Variants in ADGRL3 observed in about 807,000 individuals in gnomAD.
ADGRL3 encodes the protein calcium-independent alpha-latrotoxin receptor 3.
ADGRL3 carries 62 observed loss-of-function variants against 153.5 expected under a neutral mutation model. The ratio of observed to expected loss-of-function variants is 0.40; its 90% CI spans 0.33 to 0.50. ADGRL3 has a LOEUF of 0.50. Ranked by LOEUF, ADGRL3 falls within the 20% of genes least tolerant of loss-of-function variation. ADGRL3 has a pLI of 0.47. For missense variants in ADGRL3, 1,641 were observed against 1,859.4 expected, an observed-to-expected ratio of 0.88 and a Z score of 2.16; for synonymous variants, 710 against 672.5, an observed-to-expected ratio of 1.06 and a Z score of -0.86.
chr4:61,947,054 A>G lies in ADGRL3; in HGVS notation c.2560A>G (p.Ile854Val), dbSNP rs2098928027. The G allele has an allele frequency of 6.2e-7, 1 of 1,613,764 alleles. No individual in the cohort carries two copies. The highest frequency in any genetic ancestry group is 1.7e-5 in the Admixed American group (1 of 59,998). Residue 854 changes from isoleucine (I) to valine (V), a missense_variant, in exon 16 of 27, where the codon ATA becomes GTA. Physicochemically the swap from Ile to Val is conservative, Grantham distance 29 (BLOSUM62 3). Transcript: ENST00000683033. ...CAATTCCCCTGTTATTACGGCAGCA[A>G]TAAACAAAGAGTTCAGTAACAAGGT... ...IVNSPVITAA[I>V]NKEFSNKVYL...
intron 21 of ADGRL3, among the ~76,000 whole-genome samples, chr4:62,008,876 G>A (rs1354028868): frequency 6.6e-6 from 1 of 152,024 alleles, no homozygotes. Context: ...TCATAAGATT[G>A]TAATACCATT....
intron 2 of ADGRL3, among the ~76,000 whole-genome samples, chr4:61,405,469 A>C (rs2152189873): frequency 6.6e-6 from 1 of 152,078 alleles, no homozygotes; most frequent in Admixed American, 6.6e-5. Context: ...TGGCAATAAA[A>C]ATTTTGTTAA....
intron 2 of ADGRL3, among the ~76,000 whole-genome samples, chr4:61,451,391 A>T (rs1037132217): frequency 2.0e-5 from 3 of 152,198 alleles, no homozygotes; most frequent in Admixed American, 1.3e-4. Flanking sequence ...GGAAGGATTT[A>T]TAAGCTTATG....
intron 8 of ADGRL3, among the ~76,000 whole-genome samples, chr4:61,756,642 A>C (rs1350494583): frequency 6.6e-6 from 1 of 152,142 alleles, no homozygotes; most frequent in Non-Finnish European, 1.5e-5. Flanking sequence ...CCTGGCCAGA[A>C]CTTCCAACAC....
intron 1 of ADGRL3, among the ~76,000 whole-genome samples, chr4:61,211,117 A>C (rs1382332324): frequency 6.6e-6 from 1 of 152,194 alleles, no homozygotes; most frequent in African/African-American, 2.4e-5. Context: ...TTAACTTAAA[A>C]TATTTAATAG....
chr4:61,780,215 A>T (rs1018438690), intron 8 of ADGRL3, among the ~76,000 whole-genome samples: 1 of 152,184 alleles, frequency 6.6e-6, no homozygotes, highest in Non-Finnish European at 1.5e-5. Context: ...TACTGCCTGT[A>T]TGGTTGACAG....
At chr4:61,380,945 GTTTTC>G (rs2096660089) in intron 1 of ADGRL3, among the ~76,000 whole-genome samples, 1 of 151,802 alleles carries the variant, frequency 6.6e-6, no homozygotes, top group African/African-American at 2.4e-5. Context: ...CCTTCTTGCA[GTTTTC>G]TTTTCTATTT....
In ADGRL3 at chr4:61,204,787, C is replaced by G. The variant is rs574476462; in HGVS notation, c.-240+3022C>G. Among the ~76,000 whole-genome samples the G allele has an allele frequency of 2.0e-5, 3 of 152,094 alleles. No individual in the cohort carries two copies. The South Asian group carries it at 6.2e-4, about 32-fold the overall frequency. ...GAGATGTTAGGCTGCATCAGGCATC[C>G]CCGGCCTGAAGAGTGATAAGCCAGT... On this transcript the variant is annotated intron_variant, in intron 1 of 26. Coordinates refer to ENST00000683033, the MANE Select transcript of ADGRL3 (RefSeq NM_001387552.1).
chr4:61,324,380 T>G (rs995998348), intron 1 of ADGRL3, among the ~76,000 whole-genome samples: 3 of 152,094 alleles, frequency 2.0e-5, no homozygotes, highest in African/African-American at 7.2e-5. Context: ...AAAAGATTAA[T>G]AAGCATGTTA....
chr4:61,793,127 A>G (rs141165958), intron 8 of ADGRL3, among the ~76,000 whole-genome samples: 4,538 of 152,124 alleles, frequency 0.03, 106 homozygotes, highest in Middle Eastern at 0.078. Context: ...TCCTCTTTAT[A>G]AAACCATCAG....
At chr4:61,433,365 TAAA>T (rs373967837) in intron 2 of ADGRL3, among the ~76,000 whole-genome samples, 31,117 of 151,056 alleles carry the variant, frequency 0.21, 3,469 homozygotes, top group Middle Eastern at 0.28. Context: ...GCTTTTTTTT[TAAA>T]AAAAAATCAG....
chr4:61,983,014 T>A (rs764235135), intron 18 of ADGRL3, among the ~76,000 whole-genome samples: 13 of 152,268 alleles, frequency 8.5e-5, no homozygotes, highest in African/African-American at 1.9e-4. Flanking sequence ...ACTCTAACTC[T>A]GACTCTAACT....
At chr4:61,486,290 A>G (rs1007425997) in intron 2 of ADGRL3, among the ~76,000 whole-genome samples, 5 of 152,108 alleles carry the variant, frequency 3.3e-5, no homozygotes, top group Non-Finnish European at 7.4e-5. Context: ...AGTTGCATTG[A>G]TAATGATTTT....
At chr4:61,714,361 T>TACACACACACACAAACACAC (rs2096065048) in intron 6 of ADGRL3, among the ~76,000 whole-genome samples, 2 of 149,826 alleles carry the variant, frequency 1.3e-5, no homozygotes, top group African/African-American at 4.9e-5. Flanking sequence ...TATACTTGAG[T>TACACACACACACAAACACAC]ACACACACAC....
chr4:61,894,976 T>C (rs981696558), intron 10 of ADGRL3, among the ~76,000 whole-genome samples: 4 of 152,222 alleles, frequency 2.6e-5, no homozygotes, highest in Non-Finnish European at 1.5e-5. Flanking sequence ...CCCAGTCCAG[T>C]AGACCCCAGT....
intron 5 of ADGRL3, among the ~76,000 whole-genome samples, chr4:61,595,764 A>G (rs552300431): frequency 6.6e-6 from 1 of 152,186 alleles, no homozygotes; most frequent in South Asian, 2.1e-4. Flanking sequence ...TCTCCTTTCA[A>G]GTTTACCTAG....
intron 8 of ADGRL3, among the ~76,000 whole-genome samples, chr4:61,754,373 A>G (rs1053250212): frequency 6.6e-6 from 1 of 152,042 alleles, no homozygotes; most frequent in Non-Finnish European, 1.5e-5. Flanking sequence ...ATTTTTCTTT[A>G]TAGTTTCCCA....
chr4:61,281,420 C>G (rs962552579), intron 1 of ADGRL3, among the ~76,000 whole-genome samples: 5 of 152,110 alleles, frequency 3.3e-5, no homozygotes, highest in Non-Finnish European at 7.4e-5. Flanking sequence ...ACTGTAGGCT[C>G]TAATGAGAAC....
intron 1 of ADGRL3, among the ~76,000 whole-genome samples, chr4:61,292,618 G>A (rs537673584): frequency 2.0e-5 from 3 of 152,234 alleles, no homozygotes; most frequent in South Asian, 2.1e-4. Context: ...ATGCATGGTC[G>A]TACTAGAGTG....
Sources: allele counts gnomAD v4.1 joint callset (sites outside exome capture counted in the v4.1 genomes callset), GRCh38; gene constraint gnomAD v4.1.1; transcripts MANE v1.5; gene names NCBI Gene and HGNC (gene_info 2026-07-23, HGNC 2026-07-21).